PCDHA12: variants seen among roughly 807,000 people sequenced by gnomAD.
PCDHA12 encodes protocadherin alpha 12, also known as protocadherin alpha-12.
Under a neutral mutation model 60.0 loss-of-function variants are expected in PCDHA12, and 44 were observed. The ratio of observed to expected loss-of-function variants is 0.73; its 90% confidence interval spans 0.58 to 0.94. The LOEUF is 0.94. PCDHA12 is among the 40% of genes least tolerant of loss of function. The pLI is 0.00. For missense variants in PCDHA12, 1,276 were observed against 1,239.7 expected (o/e 1.03, Z -0.44); for synonymous variants, 569 against 553.0 (o/e 1.03, Z -0.40).
At chr5:140,879,391 G>A (rs2057973329) in intron 1 of PCDHA12, among the ~76,000 whole-genome samples, 1 of 152,184 alleles carries the variant, frequency 6.6e-6, no homozygotes, top group South Asian at 2.1e-4. Flanking sequence ...TGGAGAAACA[G>A]TTTGTGTGTA....
At chr5:140,901,060 A>AT (rs542927280) in intron 1 of PCDHA12, among the ~76,000 whole-genome samples, 21 of 151,128 alleles carry the variant, frequency 1.4e-4, no homozygotes, top group African/African-American at 3.2e-4. Flanking sequence ...AGATTATTAG[A>AT]TTTTTTTTTC....
chr5:140,950,536 T>A (rs182006309), intron 1 of PCDHA12, among the ~76,000 whole-genome samples: 1 of 152,222 alleles, frequency 6.6e-6, no homozygotes, highest in East Asian at 1.9e-4. Flanking sequence ...TTTTTGTTGC[T>A]CTTGCATGGC....
At chr5:140,990,836 C>G (rs1358432111) in intron 3 of PCDHA12, among the ~76,000 whole-genome samples, 1 of 152,120 alleles carries the variant, frequency 6.6e-6, no homozygotes, top group East Asian at 1.9e-4. Context: ...AGCCTATTAG[C>G]AAAAATAGAG....
intron 1 of PCDHA12, among the ~76,000 whole-genome samples, chr5:140,952,315 G>T (rs2094717881): frequency 6.8e-6 from 1 of 147,138 alleles, no homozygotes; most frequent in Non-Finnish European, 1.5e-5. Context: ...TCCAGCCTGG[G>T]CAACAAGAGT....
At chr5:140,966,882 C>T (rs782464160) in intron 1 of PCDHA12, 1 of 1,589,690 alleles carries the variant, frequency 6.3e-7, no homozygotes, top group Admixed American at 1.7e-5. Flanking sequence ...CTACCTGGCC[C>T]TGCGGCCTCC....
chr5:140,963,117 AAG>A (rs1292385306), intron 1 of PCDHA12, among the ~76,000 whole-genome samples: 1 of 152,182 alleles, frequency 6.6e-6, no homozygotes, highest in African/African-American at 2.4e-5. Flanking sequence ...CTTATAATTA[AAG>A]AGATAATATT....
intron 3 of PCDHA12, among the ~76,000 whole-genome samples, chr5:140,985,189 G>A (rs1440212716): frequency 3.3e-5 from 5 of 152,004 alleles, no homozygotes; most frequent in African/African-American, 9.7e-5. Context: ...CGCCTGCCTC[G>A]GTCTCCCAAA....
chr5:140,968,287 C>T lies in PCDHA12; in HGVS notation c.2368-10662C>T, dbSNP rs7712041. Reference sequence around the variant, plus strand: ...AGGAGAATGCAGAGGTGACCTACTCCCTTCTGGAGAGGGAGATTCAAGGGC... The same window carrying T: ...AGGAGAATGCAGAGGTGACCTACTCTCTTCTGGAGAGGGAGATTCAAGGGC... On this transcript the variant is annotated intron_variant, in intron 1 of 3. Coordinates refer to ENST00000398631, the MANE Select transcript of PCDHA12 (RefSeq NM_018903.4). The T allele has an allele frequency of 2.5e-3, 4,093 of 1,613,902 alleles. 64 individuals are homozygous for T. In the African/African-American group the frequency reaches 0.039, roughly 16 times the overall value.
At chr5:140,926,782 C>G in intron 1 of PCDHA12, 1 of 1,403,504 alleles carries the variant, frequency 7.1e-7, no homozygotes, top group Non-Finnish European at 9.3e-7. Context: ...GCAGTGACGG[C>G]CGGCAGGAGC....
intron 1 of PCDHA12, among the ~76,000 whole-genome samples, chr5:140,957,274 C>A (rs1251520860): frequency 6.6e-6 from 1 of 152,104 alleles, no homozygotes; most frequent in South Asian, 2.1e-4. Context: ...ACTAGTCCCC[C>A]CTTACCTGCA....
chr5:141,009,258 C>A (rs1311772308), intron 3 of PCDHA12, among the ~76,000 whole-genome samples: 1 of 152,086 alleles, frequency 6.6e-6, no homozygotes, highest in Admixed American at 6.6e-5. Flanking sequence ...TGTTTGAGAC[C>A]AGCCTGGGCA....
intron 1 of PCDHA12, chr5:140,881,309 G>C (rs535656328): frequency 1.0e-6 from 1 of 975,612 alleles, no homozygotes; most frequent in East Asian, 1.1e-4. Context: ...TTAACCTCCT[G>C]GTTAAATTCT....
At chr5:140,994,704 C>CA (rs1294993555) in intron 3 of PCDHA12, among the ~76,000 whole-genome samples, 3 of 150,616 alleles carry the variant, frequency 2.0e-5, no homozygotes, top group African/African-American at 4.9e-5. Flanking sequence ...GACCCTGTCT[C>CA]AAAAAAAAAT....
chr5:140,922,786 G>A (rs1397049612), intron 1 of PCDHA12, among the ~76,000 whole-genome samples: 2 of 152,198 alleles, frequency 1.3e-5, no homozygotes, highest in African/African-American at 4.8e-5. Context: ...AGAGAAAACT[G>A]TAGCTTTGGA....
intron 1 of PCDHA12, among the ~76,000 whole-genome samples, chr5:140,881,901 T>C (rs1455904146): frequency 6.6e-6 from 1 of 152,208 alleles, no homozygotes; most frequent in Non-Finnish European, 1.5e-5. Context: ...TGTCAGCTAA[T>C]ATAAAATGTT....
chr5:141,004,745 A>C (rs1282005519), intron 3 of PCDHA12, among the ~76,000 whole-genome samples: 2 of 152,158 alleles, frequency 1.3e-5, no homozygotes, highest in Non-Finnish European at 2.9e-5. Flanking sequence ...CTTTTGTCTC[A>C]GTCTCTTAGA....
chr5:140,884,503 A>C (rs782488569), intron 1 of PCDHA12: 82 of 1,613,940 alleles, frequency 5.1e-5, no homozygotes, highest in Middle Eastern at 1.6e-4. Flanking sequence ...CCAGCGCGGC[A>C]GGGAGTTGGT....
intron 1 of PCDHA12, among the ~76,000 whole-genome samples, chr5:140,905,373 G>A (rs556428182): frequency 6.6e-6 from 1 of 152,118 alleles, no homozygotes; most frequent in East Asian, 1.9e-4. Context: ...CTGGTTCTCT[G>A]TTCTGTTTCA....
At chr5:140,883,922 C>T in intron 1 of PCDHA12, 1 of 1,613,240 alleles carries the variant, frequency 6.2e-7, no homozygotes, top group Non-Finnish European at 8.5e-7. Context: ...CGTGACGCTG[C>T]AGGTGTTCGT....
Sources: allele counts gnomAD v4.1 joint callset (sites outside exome capture counted in the v4.1 genomes callset), GRCh38; gene constraint gnomAD v4.1.1; transcripts MANE v1.5; gene names NCBI Gene and HGNC (gene_info 2026-07-23, HGNC 2026-07-21).